Variants in IGF2 observed in about 807,000 individuals in gnomAD.
The protein encoded by IGF2 is insulin like growth factor 2.
Under a neutral mutation model 12.0 loss-of-function variants are expected in IGF2, and 2 were observed. The observed-to-expected ratio is 0.17, with a 90% confidence interval of 0.07 to 0.52. The LOEUF (loss-of-function observed/expected upper bound fraction) is 0.52. IGF2 is among the 20% of genes least tolerant of loss of function. The pLI is 0.95. For missense variants in IGF2, 211 were observed against 268.0 expected (o/e 0.79, Z 1.48); for synonymous variants, 105 against 110.1 (o/e 0.95, Z 0.29).
In IGF2 at chr11:2,131,486, G is replaced by A. The variant is rs930713965; in HGVS notation, c.*1501C>T. On this transcript the variant is annotated 3_prime_UTR_variant, in exon 4 of 4. Transcript: ENST00000416167. ...CTTGCGTGTGCAACGTGTGTGCTGC[G>A]TGTTTGTGTGCTGTGAGCTGTGTTC... 7.3e-5 allele frequency: 17 copies of A among 232,322 alleles called. No individual in the cohort carries two copies. The highest frequency in any genetic ancestry group is 2.0e-4 in the African/African-American group (9 of 45,256). 14.4% of individuals were successfully genotyped at this position (232,322 alleles called of 1,614,324 possible).
At position 2,133,431 on chromosome 11, in the gene IGF2, G is replaced by T; in HGVS notation, c.306+86C>A. The stretch of plus-strand genomic sequence containing the variant: ...CACGGGTCCTTGTCCCTGGCCAAGA[G>T]GTCCCAGAGGCCACAGGAAACGCTG... On this transcript the variant is annotated intron_variant, in intron 3 of 3. Transcript: ENST00000416167. This position sits in a 1 kb window ranked among gnomAD's most constrained non-coding sequence, Gnocchi z 8.9. The T allele has an allele frequency of 7.0e-7, 1 of 1,428,658 alleles. No individual in the cohort carries two copies. Among genetic ancestry groups the T allele is most frequent in the Non-Finnish European group, 9.4e-7 (1 of 1,062,878 alleles). The allele number at this position is 1,428,658 out of a possible 1,614,324, so 88.5% of individuals were successfully genotyped here. A position where few individuals can be genotyped will look rare whatever the true frequency, so the allele number is the denominator to read the frequency against.
chr11:2,147,405 T>C, the IGF2 span: 1 of 401,436 alleles, frequency 2.5e-6, no homozygotes, highest in East Asian at 3.6e-5. This position sits in a 1 kb window ranked among gnomAD's most constrained non-coding sequence, Gnocchi z 7.2. Flanking sequence ...CGGAAGCACC[T>C]GGAGCCAACC....
the IGF2 span, chr11:2,149,417 C>T: frequency 1.8e-5 from 23 of 1,305,784 alleles, no homozygotes; most frequent in East Asian, 7.0e-5. Context: ...GCCTCATCTC[C>T]GCTGAGCATG....
rs1421856980 is a variant in IGF2 at position 2,138,400 on chromosome 11, G to T, written c.-178C>A. 4.4e-5 allele frequency: 13 copies of T among 296,466 alleles called. No homozygotes were observed. Among genetic ancestry groups the T allele is most frequent in the Non-Finnish European group, 6.2e-5 (13 of 208,296 alleles). 18.4% of individuals were successfully genotyped at this position (296,466 alleles called of 1,614,324 possible). On this transcript the variant is annotated 5_prime_UTR_variant, in exon 1 of 4. Transcript: ENST00000416167. ...GATGGCTTTTTTTTGGGGGGGGGGG[G>T]AGAATTCGTCTGATTGTCCAGGGAG...
chr11:2,131,628 G>T lies in IGF2; in HGVS notation c.*1359C>A, dbSNP rs554505888. 3.3e-5 allele frequency: 7 copies of T among 210,348 alleles called. No individual in the cohort carries two copies. The South Asian group carries it at 1.4e-3, about 42-fold the overall frequency. The allele number at this position is 210,348 out of a possible 1,614,324, so 13.0% of individuals were successfully genotyped here. ...GTGTGTGCTGTGTGTGCATGTGTGTGCTGTGTGCTGTGTTCATGTGTGTGC... is the reference window on the plus strand; with the variant it reads ...GTGTGTGCTGTGTGTGCATGTGTGTTCTGTGTGCTGTGTTCATGTGTGTGC... On this transcript the variant is annotated 3_prime_UTR_variant, in exon 4 of 4. Coordinates refer to ENST00000416167, the MANE Select transcript of IGF2 (RefSeq NM_000612.6).
upstream of IGF2, chr11:2,140,199 T>A: frequency 6.2e-7 from 1 of 1,613,206 alleles, no homozygotes. Context: ...CCAAAATATC[T>A]GGATAATGGT....
chr11:2,133,489 G>A lies in IGF2; in HGVS notation c.306+28C>T. 6.2e-7 allele frequency: 1 copy of A among 1,600,238 alleles called. No homozygotes were observed. The highest frequency in any genetic ancestry group is 1.1e-5 in the South Asian group (1 of 89,464). ...GAAGCCCTATTTCTCTGTCTCTAGA[G>A]AGTGGGAAAGGGGCCCAGGACCCTC... On this transcript the variant is annotated intron_variant, in intron 3 of 3. Transcript: ENST00000416167. This position sits in a 1 kb window ranked among gnomAD's most constrained non-coding sequence, Gnocchi z 8.9.
Position 2,138,590 on chromosome 11 carries a change from A to C in IGF2, c.-368T>G. ...GGGGGCCGAAGAGAGGGCGAGGGGG[A>C]GAGAGGACAGCGAGAGGCGGGCAGG... On this transcript the variant is annotated 5_prime_UTR_variant, in exon 1 of 4. Coordinates refer to ENST00000416167, the MANE Select transcript of IGF2 (RefSeq NM_000612.6). The C allele has an allele frequency of 2.3e-6, 2 of 884,962 alleles. No individual in the cohort carries two copies. The highest frequency in any genetic ancestry group is 2.7e-6 in the Non-Finnish European group (2 of 746,916). The allele number at this position is 884,962 out of a possible 1,614,324, so 54.8% of individuals were successfully genotyped here.
rs747697618 is a variant in IGF2 at position 2,135,386 on chromosome 11, C to A, written c.138G>T (p.Gly46=). ...ACTTACTGAAGTAGAAGCCGCGGTC[C>A]CCACAGACGAACTGGAGGGTGTCCA... ...ELVDTLQFVC[G]DRGFYFSRPA... The change falls in exon 2 of 4, where the codon GGG becomes GGT. Residue 46 remains glycine, a synonymous_variant. Coordinates refer to ENST00000416167, the MANE Select transcript of IGF2 (RefSeq NM_000612.6). 35 of 1,613,034 alleles carry A rather than the reference C, an allele frequency of 2.2e-5. No individual in the cohort carries two copies. The highest frequency in any genetic ancestry group is 2.7e-5 in the Non-Finnish European group (32 of 1,179,680).
At chr11:2,137,335 C>T in intron 1 of IGF2, 1 of 865,246 alleles carries the variant, frequency 1.2e-6, no homozygotes, top group Non-Finnish European at 1.4e-6. Context: ...CGACTCCTCC[C>T]AGCCCGGGCT....
At chr11:2,144,773 T>C (rs1406111677), upstream of IGF2, among the ~76,000 whole-genome samples, 2 of 78,780 alleles carry the variant, frequency 2.5e-5, no homozygotes, top group African/African-American at 9.6e-5. Context: ...GTGGGGTGGG[T>C]GGGGGTACTG....
In IGF2 at chr11:2,130,422, A is replaced by C. The variant is rs1304353829; in HGVS notation, c.*2565T>G. The C allele has an allele frequency of 4.4e-6, 1 of 227,570 alleles. No homozygotes were observed. Among genetic ancestry groups the C allele is most frequent in the East Asian group, 6.2e-5 (1 of 16,096 alleles). The allele number at this position is 227,570 out of a possible 1,614,324, so 14.1% of individuals were successfully genotyped here. The stretch of plus-strand genomic sequence containing the variant: ...AACTCAACCCAAGCAACAGGGACAG[A>C]TGAAAAACAAAATCCAATCAGGGCG... On this transcript the variant is annotated 3_prime_UTR_variant, in exon 4 of 4. Transcript: ENST00000416167.
At position 2,132,891 on chromosome 11, in the gene IGF2, C is replaced by G. The variant is rs763531701; in HGVS notation, c.*96G>C. ...GAGAAGCCCCAGGGGGACGTGGAACCGAGAGATTTTCGGGATGGAACCTGA... is the reference window on the plus strand; with the variant it reads ...GAGAAGCCCCAGGGGGACGTGGAACGGAGAGATTTTCGGGATGGAACCTGA... On this transcript the variant is annotated 3_prime_UTR_variant, in exon 4 of 4. Coordinates refer to ENST00000416167, the MANE Select transcript of IGF2 (RefSeq NM_000612.6). 27 of 869,356 alleles carry G rather than the reference C, an allele frequency of 3.1e-5. No individual in the cohort carries two copies. In the South Asian group the frequency reaches 4.1e-4, roughly 13 times the overall value. The allele number at this position is 869,356 out of a possible 1,614,324, so 53.9% of individuals were successfully genotyped here.
chr11:2,137,528 A>AAG (rs1478034177), intron 1 of IGF2, among the ~76,000 whole-genome samples: 45 of 126,436 alleles, frequency 3.6e-4, no homozygotes, highest in African/African-American at 1.2e-3. Context: ...CAGGGCAGTG[A>AAG]AGGGGGGGGG....
chr11:2,135,380 G>A lies in IGF2; in HGVS notation c.144C>T (p.Arg48=), dbSNP rs754399358. Residue 48 remains arginine, a synonymous_variant, in exon 2 of 4, where the codon CGC becomes CGT. Coordinates refer to ENST00000416167, the MANE Select transcript of IGF2 (RefSeq NM_000612.6). ...VDTLQFVCGD[R]GFYFSRPASR... ...CCAGCTACTTACTGAAGTAGAAGCC[G>A]CGGTCCCCACAGACGAACTGGAGGG... The A allele has an allele frequency of 1.1e-5, 17 of 1,612,254 alleles. No homozygotes were observed. The highest frequency in any genetic ancestry group is 4.5e-5 in the East Asian group (2 of 44,842).
chr11:2,134,736 G>A (rs951659650), intron 2 of IGF2, among the ~76,000 whole-genome samples: 1 of 152,066 alleles, frequency 6.6e-6, no homozygotes, highest in East Asian at 1.9e-4. Flanking sequence ...GGGTCTCAAG[G>A]ACAATGGGCC....
In IGF2 at chr11:2,138,781, G is replaced by A. The variant is rs1859302753; in HGVS notation, c.-559C>T. On this transcript the variant is annotated 5_prime_UTR_variant, in exon 1 of 4. Coordinates refer to ENST00000416167, the MANE Select transcript of IGF2 (RefSeq NM_000612.6). ...GGAAGGTTGCGGGAGAAAGAGCGGGGGCCGGGGCCAGACGCCAAGAGGGGC... is the reference window on the plus strand; with the variant it reads ...GGAAGGTTGCGGGAGAAAGAGCGGGAGCCGGGGCCAGACGCCAAGAGGGGC... 6.3e-6 allele frequency: 6 copies of A among 952,750 alleles called. No homozygotes were observed. The highest frequency in any genetic ancestry group is 7.5e-6 in the Non-Finnish European group (6 of 801,262). The allele number at this position is 952,750 out of a possible 1,614,324, so 59.0% of individuals were successfully genotyped here. A position where few individuals can be genotyped will look rare whatever the true frequency, so the allele number is the denominator to read the frequency against.
Position 2,129,523 on chromosome 11 carries a change from G to C in IGF2, c.*3464C>G, listed in dbSNP as rs950334825. ...CCGGCGAGGCAGAATATAACACTGG[G>C]TGGGTGGGTGTCCTGACGAATGGGC... On this transcript the variant is annotated 3_prime_UTR_variant, in exon 4 of 4. Coordinates refer to ENST00000416167, the MANE Select transcript of IGF2 (RefSeq NM_000612.6). This position sits in a 1 kb window ranked among gnomAD's most constrained non-coding sequence, Gnocchi z 8.1. 3 of 227,668 alleles carry C rather than the reference G, an allele frequency of 1.3e-5. No individual in the cohort carries two copies. Among genetic ancestry groups the C allele is most frequent in the Non-Finnish European group, 2.6e-5 (3 of 114,456 alleles). 14.1% of individuals were successfully genotyped at this position (227,668 alleles called of 1,614,324 possible). A position where few individuals can be genotyped will look rare whatever the true frequency, so the allele number is the denominator to read the frequency against.
At position 2,138,466 on chromosome 11, in the gene IGF2, T is replaced by C; in HGVS notation, c.-244A>G. On this transcript the variant is annotated 5_prime_UTR_variant, in exon 1 of 4. Transcript: ENST00000416167. The stretch of plus-strand genomic sequence containing the variant: ...GGCTGGGGCGGGCCAGATGTTGTAC[T>C]TTTCGGGGGGGAAAAGGTATCGGGA... 1.2e-6 allele frequency: 1 copy of C among 859,822 alleles called. No homozygotes were observed. Among genetic ancestry groups the C allele is most frequent in the Non-Finnish European group, 1.4e-6 (1 of 728,668 alleles). 53.3% of individuals were successfully genotyped at this position (859,822 alleles called of 1,614,324 possible). A position where few individuals can be genotyped will look rare whatever the true frequency, so the allele number is the denominator to read the frequency against.
Sources: allele counts gnomAD v4.1 joint callset (sites outside exome capture counted in the v4.1 genomes callset), GRCh38; gene constraint gnomAD v4.1.1; non-coding constraint Gnocchi (gnomAD v3.1); transcripts MANE v1.5; gene names NCBI Gene and HGNC (gene_info 2026-07-23, HGNC 2026-07-21).